Variants in CD9 observed in about 807,000 individuals in gnomAD.
CD9 encodes the protein CD9 antigen.
CD9 carries 10 observed loss-of-function variants against 31.4 expected under a neutral mutation model. The observed-to-expected ratio is 0.32, with a 90% confidence interval of 0.20 to 0.54. The LOEUF is 0.54. Ranked by LOEUF, CD9 falls within the 20% of genes least tolerant of loss-of-function variation. CD9 has a pLI of 0.94. For missense variants in CD9, 259 were observed against 300.1 expected (o/e 0.86, Z 1.01); for synonymous variants, 113 against 114.1 (o/e 0.99, Z 0.06).
At chr12:6,201,969 T>C (rs1946083122) in intron 1 of CD9, among the ~76,000 whole-genome samples, 1 of 151,934 alleles carries the variant, frequency 6.6e-6, no homozygotes, top group African/African-American at 2.4e-5. Context: ...GCCTGGGAGG[T>C]CAAGGCTGCG....
intron 1 of CD9, among the ~76,000 whole-genome samples, chr12:6,216,181 G>C (rs568407687): frequency 6.6e-6 from 1 of 152,364 alleles, no homozygotes; most frequent in African/African-American, 2.4e-5. Context: ...GAGGCCCAGA[G>C]CCCACAGGTC....
At chr12:6,235,416 A>G in intron 5 of CD9, 60 bp from the exon 6 acceptor site, 1 of 1,613,760 alleles carries the variant, frequency 6.2e-7, no homozygotes, top group Non-Finnish European at 8.5e-7. Context: ...CAGTGCAAAC[A>G]TTCTAATCGT....
chr12:6,212,559 C>T (rs1476311729), intron 1 of CD9, among the ~76,000 whole-genome samples: 1 of 152,190 alleles, frequency 6.6e-6, no homozygotes, highest in African/African-American at 2.4e-5. Context: ...CACCCAGGAG[C>T]CCCCCAGCTG....
At chr12:6,212,273 A>T (rs559378410) in intron 1 of CD9, among the ~76,000 whole-genome samples, 1 of 152,138 alleles carries the variant, frequency 6.6e-6, no homozygotes, top group Non-Finnish European at 1.5e-5. Context: ...CTGTTTCTTC[A>T]TCTCTCACAG....
intron 1 of CD9, among the ~76,000 whole-genome samples, chr12:6,213,347 A>T (rs1053723061): frequency 3.9e-5 from 6 of 152,202 alleles, no homozygotes; most frequent in African/African-American, 1.4e-4. Context: ...GAATTGGAGG[A>T]CGTATCTTTC....
Position 6,200,437 on chromosome 12 carries a change from G to A in CD9, c.-63G>A, listed in dbSNP as rs11574683. The A allele has an allele frequency of 1.9e-4, 208 of 1,098,202 alleles. No individual in the cohort carries two copies. The African/African-American group carries it at 2.7e-3, about 14-fold the overall frequency. 68.0% of individuals were successfully genotyped at this position (1,098,202 alleles called of 1,614,324 possible). Reference sequence around the variant, plus strand: ...CTGTATCCAGCGCCAGGTCCCGCCAGTCCCAGCTGCGCGCGCCCCCCAGTC... The same window carrying A: ...CTGTATCCAGCGCCAGGTCCCGCCAATCCCAGCTGCGCGCGCCCCCCAGTC... On this transcript the variant is annotated 5_prime_UTR_variant, in exon 1 of 8. Coordinates refer to ENST00000009180, the MANE Select transcript of CD9 (RefSeq NM_001769.4).
intron 6 of CD9, chr12:6,235,842 A>ACTCC: frequency 7.3e-7 from 1 of 1,369,488 alleles, no homozygotes; most frequent in Non-Finnish European, 9.4e-7. Context: ...TGAGTCTTGG[A>ACTCC]CTCCCACTCT....
chr12:6,220,450 T>G (rs11568228), intron 1 of CD9, among the ~76,000 whole-genome samples: 2 of 152,128 alleles, frequency 1.3e-5, no homozygotes, highest in South Asian at 4.1e-4. Flanking sequence ...AGTGAGGACT[T>G]GGAGGTGGTT....
rs766579972 is a variant in CD9, at chr12:6,232,743, C to T, written c.273+14C>T. 1.8e-5 allele frequency: 27 copies of T among 1,515,416 alleles called. No individual in the cohort carries two copies. The highest frequency in any genetic ancestry group is 6.0e-5 in the South Asian group (5 of 83,716). 93.9% of individuals were successfully genotyped at this position (1,515,416 alleles called of 1,614,324 possible). On this transcript the variant is annotated intron_variant, in intron 3 of 7. Transcript: ENST00000009180. The surrounding 1 kb of genome is among the most constrained non-coding windows in gnomAD (Gnocchi z 4.8). ...ATGCTGGGACTGGTGAGTATCCCCTCGGCATCCCCACAGCCACCCTGACTC... is the reference window on the plus strand; with the variant it reads ...ATGCTGGGACTGGTGAGTATCCCCTTGGCATCCCCACAGCCACCCTGACTC...
At chr12:6,213,874 A>G (rs1373131560) in intron 1 of CD9, among the ~76,000 whole-genome samples, 4 of 152,176 alleles carry the variant, frequency 2.6e-5, no homozygotes, top group East Asian at 1.9e-4. Flanking sequence ...GCTAGGGTCA[A>G]CACCCCAAAT....
chr12:6,228,317 C>T (rs959448151), intron 2 of CD9, among the ~76,000 whole-genome samples: 2 of 152,036 alleles, frequency 1.3e-5, no homozygotes, highest in Non-Finnish European at 2.9e-5. Flanking sequence ...TTTGGGAGGC[C>T]GAGGCAGGCA....
At chr12:6,201,889 T>A (rs1946082160) in intron 1 of CD9, among the ~76,000 whole-genome samples, 1 of 151,992 alleles carries the variant, frequency 6.6e-6, no homozygotes, top group South Asian at 2.1e-4. Context: ...AAATAAAAAA[T>A]TAGCTGGGCG....
At chr12:6,208,188 C>T (rs1389418633) in intron 1 of CD9, among the ~76,000 whole-genome samples, 1 of 150,292 alleles carries the variant, frequency 6.7e-6, no homozygotes, top group Admixed American at 6.6e-5. Context: ...CGTGCCATTG[C>T]ACTCCAGCCT....
intron 1 of CD9, among the ~76,000 whole-genome samples, chr12:6,210,250 TGAACG>T (rs543977820): frequency 8.3e-4 from 126 of 152,300 alleles, no homozygotes; most frequent in African/African-American, 3.0e-3. Context: ...CCATGGCCAC[TGAACG>T]GGCTGCGGTC....
intron 1 of CD9, among the ~76,000 whole-genome samples, chr12:6,216,079 T>A (rs935320900): frequency 6.6e-6 from 1 of 152,218 alleles, no homozygotes; most frequent in Non-Finnish European, 1.5e-5. Flanking sequence ...TTGTTCTTGC[T>A]GGCACTGCCT....
chr12:6,200,227 G>T (rs956924217), upstream of CD9: 161 of 169,286 alleles, frequency 9.5e-4, no homozygotes, highest in African/African-American at 3.9e-3. Context: ...GGGGCTCGCC[G>T]ACCTGGGCGG....
At chr12:6,235,166 A>G in intron 4 of CD9, 63 bp from the exon 5 acceptor site, 6 of 1,193,500 alleles carry the variant, frequency 5.0e-6, no homozygotes, top group Non-Finnish European at 7.4e-6. Flanking sequence ...AACGCATAAC[A>G]TTTGTTCGTG....
At chr12:6,208,281 C>T (rs1201106942) in intron 1 of CD9, among the ~76,000 whole-genome samples, 2 of 151,888 alleles carry the variant, frequency 1.3e-5, no homozygotes, top group Admixed American at 1.3e-4. Context: ...CAATGCACAT[C>T]CAAGTTTCCA....
intron 1 of CD9, among the ~76,000 whole-genome samples, chr12:6,218,841 G>A (rs138356408): frequency 5.9e-5 from 9 of 151,952 alleles, no homozygotes; most frequent in African/African-American, 2.2e-4. Context: ...CTGAGTTTGG[G>A]GCACTCTTGG....
Sources: allele counts gnomAD v4.1 joint callset (sites outside exome capture counted in the v4.1 genomes callset), GRCh38; gene constraint gnomAD v4.1.1; non-coding constraint Gnocchi (gnomAD v3.1); transcripts MANE v1.5; gene names NCBI Gene and HGNC (gene_info 2026-07-23, HGNC 2026-07-21).